The following SAMMSON variants were observed in gnomAD, a reference collection of about 807,000 sequenced individuals.
The protein encoded by SAMMSON is long intergenic non-protein coding RNA 1212.
At chr3:70,370,746 A>G (rs1702962346) in intron 9 of SAMMSON, among the ~76,000 whole-genome samples, 1 of 151,996 alleles carries the variant, frequency 6.6e-6, no homozygotes, top group Admixed American at 6.6e-5. Context: ...GTTTGCAACT[A>G]CTTTCTTTCA....
chr3:70,016,181 C>A (rs1275618479), intron 3 of SAMMSON, among the ~76,000 whole-genome samples: 3 of 152,164 alleles, frequency 2.0e-5, no homozygotes, highest in Non-Finnish European at 2.9e-5. Flanking sequence ...GTCCCACCAG[C>A]AGTGTAAAAG....
At chr3:70,162,747 A>G (rs2067621191) in intron 4 of SAMMSON, among the ~76,000 whole-genome samples, 1 of 151,840 alleles carries the variant, frequency 6.6e-6, no homozygotes, top group Non-Finnish European at 1.5e-5. Context: ...GTGACCAACT[A>G]TTATTTTTGA....
At chr3:70,102,434 TGTA>T (rs1235243374) in intron 4 of SAMMSON, among the ~76,000 whole-genome samples, 3 of 152,184 alleles carry the variant, frequency 2.0e-5, no homozygotes, top group African/African-American at 7.2e-5. Flanking sequence ...GAAGACCATC[TGTA>T]GTAATTTTTC....
At chr3:70,173,587 A>G (rs900097225) in intron 4 of SAMMSON, among the ~76,000 whole-genome samples, 1 of 151,922 alleles carries the variant, frequency 6.6e-6, no homozygotes, top group Non-Finnish European at 1.5e-5. Flanking sequence ...CATAAGTAGG[A>G]GAATTTATAT....
intron 6 of SAMMSON, among the ~76,000 whole-genome samples, chr3:70,288,746 T>C (rs1702195069): frequency 6.6e-6 from 1 of 151,920 alleles, no homozygotes; most frequent in South Asian, 2.1e-4. Flanking sequence ...GGTGCTCCTG[T>C]GTTGGGTGCA....
chr3:70,347,860 T>A (rs1426397278), intron 7 of SAMMSON, among the ~76,000 whole-genome samples: 1 of 152,128 alleles, frequency 6.6e-6, no homozygotes, highest in Non-Finnish European at 1.5e-5. Context: ...TTGGCCAACA[T>A]GGCAAAGCCC....
At chr3:70,339,215 C>G (rs1012882219) in intron 7 of SAMMSON, among the ~76,000 whole-genome samples, 2 of 152,142 alleles carry the variant, frequency 1.3e-5, no homozygotes, top group Admixed American at 6.5e-5. Flanking sequence ...AAAGCTGAAA[C>G]TGGATCCCTT....
rs1576154879 is a variant in SAMMSON at position 70,206,598 on chromosome 3, T to C, written n.508-42509T>C. 3.3e-5 allele frequency: 13 copies of C among 397,810 alleles called. No individual in the cohort carries two copies. In the East Asian group the frequency reaches 4.6e-4, roughly 14 times the overall value. The allele number at this position is 397,810 out of a possible 1,614,324, so 24.6% of individuals were successfully genotyped here. On this transcript the variant is annotated intron_variant and non_coding_transcript_variant, in intron 4 of 9. Coordinates refer to ENST00000642114, the Ensembl canonical transcript of SAMMSON. ...AGTGTCTCTGTGATGAACTGAAGTA[T>C]CAGTTTGGAGGTAAGAAAATGTTGT...
intron 4 of SAMMSON, among the ~76,000 whole-genome samples, chr3:70,114,891 CT>C (rs1003230307): frequency 2.6e-5 from 4 of 152,072 alleles, no homozygotes; most frequent in African/African-American, 9.7e-5. Context: ...TTGGGACATT[CT>C]TTTAGCATTG....
At chr3:70,180,167 G>C (rs1464846323) in intron 4 of SAMMSON, among the ~76,000 whole-genome samples, 1 of 151,980 alleles carries the variant, frequency 6.6e-6, no homozygotes, top group Non-Finnish European at 1.5e-5. Flanking sequence ...TTAGTCTTGG[G>C]TCTGAGAAAC....
At chr3:70,284,355 A>C (rs375897684) in intron 6 of SAMMSON, among the ~76,000 whole-genome samples, 14 of 152,316 alleles carry the variant, frequency 9.2e-5, no homozygotes, top group African/African-American at 3.4e-4. Flanking sequence ...TAAAGTTTGC[A>C]TTTGAGTTTT....
chr3:70,375,825 C>G (rs1450123287), intron 9 of SAMMSON, among the ~76,000 whole-genome samples: 3 of 152,086 alleles, frequency 2.0e-5, no homozygotes, highest in African/African-American at 7.2e-5. Flanking sequence ...CTCCGGTATT[C>G]ACTGTTTTGG....
rs559753420 is a variant in SAMMSON, at chr3:70,195,082, A to G, written n.508-54025A>G. Among the ~76,000 whole-genome samples, 13 of 152,340 alleles carry G rather than the reference A, an allele frequency of 8.5e-5. 1 individual carries two copies. In the South Asian group the frequency reaches 1.7e-3, roughly 19 times the overall value. ...GTCAGAAAATTAGAACCCAAGTTAGAGTTCCTGACACTGCCAATAATTCAC... is the reference window on the plus strand; with the variant it reads ...GTCAGAAAATTAGAACCCAAGTTAGGGTTCCTGACACTGCCAATAATTCAC... On this transcript the variant is annotated intron_variant and non_coding_transcript_variant, in intron 4 of 9. Coordinates refer to ENST00000642114, the Ensembl canonical transcript of SAMMSON.
At chr3:70,245,717 ACATT>A (rs1701702017) in intron 4 of SAMMSON, among the ~76,000 whole-genome samples, 2 of 136,906 alleles carry the variant, frequency 1.5e-5, no homozygotes, top group South Asian at 4.7e-4. Context: ...ATATATATAC[ACATT>A]CAAATGCAAA....
Position 70,054,263 on chromosome 3 carries a change from G to T in SAMMSON, n.418-17213G>T, listed in dbSNP as rs372878497. ...CATTCTCACATTTCAAAACTGACAA[G>T]TGAATGGGGAGGGAGGGAAGGCTTT... On this transcript the variant is annotated intron_variant and non_coding_transcript_variant, in intron 3 of 9. Transcript: ENST00000642114. 3.3e-5 allele frequency among the ~76,000 whole-genome samples: 5 copies of T among 152,242 alleles called. No homozygotes were observed. The East Asian group carries it at 9.7e-4, about 30-fold the overall frequency.
chr3:70,404,767 C>T (rs1224158168), intron 2 of SAMMSON, among the ~76,000 whole-genome samples: 1 of 152,154 alleles, frequency 6.6e-6, no homozygotes, highest in Non-Finnish European at 1.5e-5. Context: ...CTATCCGAGG[C>T]ACTTTCTGGA....
At chr3:70,309,103 A>G (rs1490730077) in intron 7 of SAMMSON, among the ~76,000 whole-genome samples, 5 of 152,258 alleles carry the variant, frequency 3.3e-5, no homozygotes, top group South Asian at 2.1e-4. Flanking sequence ...AGGTCGACAC[A>G]TTTAAAATTC....
chr3:70,150,971 G>A (rs1167640798), intron 4 of SAMMSON, among the ~76,000 whole-genome samples: 2 of 151,940 alleles, frequency 1.3e-5, no homozygotes, highest in African/African-American at 2.4e-5. Flanking sequence ...CAGATTAACA[G>A]AAATATATAT....
chr3:70,273,924 C>T (rs1701997571), intron 6 of SAMMSON, among the ~76,000 whole-genome samples: 1 of 152,000 alleles, frequency 6.6e-6, no homozygotes, highest in South Asian at 2.1e-4. Context: ...CTCCTTGGCC[C>T]CCAGAGCAGC....
Sources: gnomAD v4.1 joint callset for allele counts (sites outside exome capture counted in the v4.1 genomes callset) on GRCh38, gnomAD v4.1.1 for gene constraint, MANE v1.5 for transcripts, NCBI Gene and HGNC (gene_info 2026-07-23, HGNC 2026-07-21) for gene names.